Variants in MIGA1 observed in about 807,000 individuals in gnomAD.
MIGA1 encodes mitoguardin 1.
A neutral mutation model predicts 82.0 loss-of-function variants in MIGA1; 58 were observed. That is an observed-to-expected ratio of 0.71 (90% CI 0.57 to 0.88). MIGA1 has a LOEUF of 0.88. Ranked by LOEUF, MIGA1 falls within the 40% of genes least tolerant of loss-of-function variation. MIGA1 has a pLI of 0.00. For synonymous variants in MIGA1, 249 were observed against 253.6 expected (o/e 0.98, Z 0.17); for missense variants, 751 against 749.1 (o/e 1.00, Z -0.03).
chr1:77,829,686 A>C (rs1043915049), intron 7 of MIGA1, among the ~76,000 whole-genome samples: 1 of 151,986 alleles, frequency 6.6e-6, no homozygotes, highest in South Asian at 2.1e-4. Flanking sequence ...GGCCAGGCTG[A>C]TCTTGAACTC....
intron 2 of MIGA1, among the ~76,000 whole-genome samples, chr1:77,785,771 C>T (rs993548039): frequency 6.6e-6 from 1 of 152,204 alleles, no homozygotes; most frequent in African/African-American, 2.4e-5. Flanking sequence ...TTGCAGGGTA[C>T]AGCCTCCCTC....
At chr1:77,825,130 A>G (rs566063636) in intron 7 of MIGA1, among the ~76,000 whole-genome samples, 1 of 151,860 alleles carries the variant, frequency 6.6e-6, no homozygotes, top group African/African-American at 2.4e-5. Context: ...CTGAGACTGC[A>G]GGTGCGCTGG....
intron 12 of MIGA1, among the ~76,000 whole-genome samples, chr1:77,862,660 T>TCA (rs928407954): frequency 2.7e-5 from 4 of 149,698 alleles, no homozygotes; most frequent in East Asian, 2.0e-4. Context: ...CGAGACTCCG[T>TCA]CACACACACA....
chr1:77,848,595 C>T, intron 8 of MIGA1: 4 of 1,402,332 alleles, frequency 2.9e-6, no homozygotes, highest in Admixed American at 1.9e-5. Flanking sequence ...AGGAGAAACC[C>T]TCTAATTCTG....
intron 7 of MIGA1, among the ~76,000 whole-genome samples, chr1:77,842,590 CT>C (rs1684667288): frequency 6.6e-6 from 1 of 152,204 alleles, no homozygotes; most frequent in Non-Finnish European, 1.5e-5. Flanking sequence ...ATCTGTCCCC[CT>C]GGCTGGAGTG....
intron 13 of MIGA1, 123 bp from the exon 14 acceptor site, chr1:77,866,215 G>A (rs1009871193): frequency 3.0e-5 from 26 of 852,540 alleles, no homozygotes; most frequent in South Asian, 2.4e-4. Flanking sequence ...GTGCCCGGCC[G>A]ACTAGTTCTT....
At chr1:77,864,206 CAAAA>C (rs879581853) in intron 13 of MIGA1, among the ~76,000 whole-genome samples, 178 bp downstream of exon 13, 1 of 128,644 alleles carries the variant, frequency 7.8e-6, no homozygotes. Context: ...ACTAAAAATA[CAAAA>C]AAAAAAAAAA....
At chr1:77,840,013 G>A (rs541457559) in intron 7 of MIGA1, among the ~76,000 whole-genome samples, 4 of 152,314 alleles carry the variant, frequency 2.6e-5, no homozygotes, top group South Asian at 2.1e-4. Context: ...AATTACAGGC[G>A]TGAACCACTG....
intron 4 of MIGA1, among the ~76,000 whole-genome samples, chr1:77,803,768 C>T (rs1682980657): frequency 1.3e-5 from 2 of 151,556 alleles, no homozygotes; most frequent in African/African-American, 2.4e-5. Context: ...GGAAAGGTAA[C>T]GGGGGGTGGA....
At chr1:77,825,567 A>G (rs998898881) in intron 7 of MIGA1, among the ~76,000 whole-genome samples, 11 of 152,174 alleles carry the variant, frequency 7.2e-5, no homozygotes, top group Admixed American at 7.2e-4. Flanking sequence ...CAGGCTTTGT[A>G]TGCACCTGGT....
At chr1:77,797,321 A>T (rs999286921) in intron 2 of MIGA1, among the ~76,000 whole-genome samples, 1 of 152,114 alleles carries the variant, frequency 6.6e-6, no homozygotes, top group African/African-American at 2.4e-5. Context: ...GATTGACTAT[A>T]TGTTTGTGTG....
intron 7 of MIGA1, among the ~76,000 whole-genome samples, chr1:77,818,122 A>ATT (rs757391899): frequency 5.9e-5 from 8 of 134,984 alleles, no homozygotes; most frequent in Admixed American, 2.2e-4. Context: ...CGTCCTGCTA[A>ATT]TTTTTTTTTT....
chr1:77,842,361 A>C (rs142380307), intron 7 of MIGA1, among the ~76,000 whole-genome samples: 1 of 152,324 alleles, frequency 6.6e-6, no homozygotes, highest in African/African-American at 2.4e-5. Flanking sequence ...TGATAGGGCG[A>C]GATTAACCAT....
At chr1:77,865,615 T>A (rs1685634167) in intron 13 of MIGA1, among the ~76,000 whole-genome samples, 1 of 151,834 alleles carries the variant, frequency 6.6e-6, no homozygotes, top group Non-Finnish European at 1.5e-5. Context: ...AGAAGAAAAA[T>A]TACTTTATTA....
intron 8 of MIGA1, chr1:77,847,735 GCT>G (rs1684898947): frequency 6.3e-7 from 1 of 1,590,344 alleles, no homozygotes; most frequent in South Asian, 1.1e-5. Context: ...CCTAAATGCA[GCT>G]TTCGTGAAGC....
At chr1:77,842,775 C>G (rs1684676104) in intron 7 of MIGA1, among the ~76,000 whole-genome samples, 1 of 152,240 alleles carries the variant, frequency 6.6e-6, no homozygotes, top group South Asian at 2.1e-4. Flanking sequence ...CTCCTGATCT[C>G]AGGTGATCTG....
In MIGA1 at chr1:77,803,302, A is replaced by T. The variant is rs1457399293; in HGVS notation, c.406A>T (p.Thr136Ser). 3.2e-6 allele frequency: 5 copies of T among 1,544,418 alleles called. No individual in the cohort carries two copies. Among genetic ancestry groups the T allele is most frequent in the Non-Finnish European group, 4.4e-6 (5 of 1,145,290 alleles). Residue 136 changes from threonine (T) to serine (S), a missense_variant, in exon 4 of 16, where the codon ACA (threonine) becomes TCA (serine). Around this residue, in one of 3 missense-constraint regions of MIGA1, gnomAD observed 482 missense variants for 439.4 expected, o/e 1.10. Transcript: ENST00000370791. ...TTGTTCCAGTAGCAGACAGAATTTGACATTATCTTTAAGTTCTACCAAAGA... is the reference window on the plus strand; with the variant it reads ...TTGTTCCAGTAGCAGACAGAATTTGTCATTATCTTTAAGTTCTACCAAAGA...
intron 7 of MIGA1, among the ~76,000 whole-genome samples, chr1:77,818,943 G>C (rs1683690879): frequency 6.6e-6 from 1 of 151,892 alleles, no homozygotes; most frequent in Non-Finnish European, 1.5e-5. Flanking sequence ...AGCTGGGCAT[G>C]GTGGTGGGTG....
chr1:77,815,906 T>A (rs968216738), intron 7 of MIGA1, among the ~76,000 whole-genome samples: 18 of 151,614 alleles, frequency 1.2e-4, no homozygotes, highest in Admixed American at 2.0e-4. Flanking sequence ...ATTAAAAAAA[T>A]TTTTTTTGTG....
Sources: allele counts gnomAD v4.1 joint callset (sites outside exome capture counted in the v4.1 genomes callset), GRCh38; gene constraint gnomAD v4.1.1; regional missense constraint gnomAD v4.1.1; transcripts MANE v1.5; gene names NCBI Gene and HGNC (gene_info 2026-07-23, HGNC 2026-07-21).